EMC2: variants seen among roughly 807,000 people sequenced by gnomAD.
EMC2 encodes the protein ER membrane protein complex subunit 2, also known as TPR repeat protein 35.
In EMC2, 37 loss-of-function variants were observed where a neutral mutation model predicts 51.6. The observed-to-expected ratio is 0.72, with a 90% CI of 0.55 to 0.94. The LOEUF (loss-of-function observed/expected upper bound fraction) is 0.94. EMC2 is among the 40% of genes least tolerant of loss of function. The pLI is 0.00. For synonymous variants in EMC2, 131 were observed against 112.4 expected (o/e 1.17, Z -1.04); for missense variants, 359 against 350.9 (o/e 1.02, Z -0.18).
chr8:108,461,289 C>T (rs1464838413), intron 5 of EMC2, among the ~76,000 whole-genome samples: 1 of 152,160 alleles, frequency 6.6e-6, no homozygotes, highest in Non-Finnish European at 1.5e-5. Flanking sequence ...AGCTGTACTT[C>T]CTATTCACAT....
chr8:108,465,035 C>T (rs1365340651), intron 5 of EMC2, among the ~76,000 whole-genome samples: 1 of 152,026 alleles, frequency 6.6e-6, no homozygotes, highest in Non-Finnish European at 1.5e-5. Flanking sequence ...AGGCCTTAAT[C>T]CTTTAATCCT....
At chr8:108,444,369 G>A (rs1209116185) in intron 1 of EMC2, among the ~76,000 whole-genome samples, 13 of 152,074 alleles carry the variant, frequency 8.5e-5, no homozygotes. Context: ...TACGTGTGAT[G>A]GTCACTTTTC....
intron 4 of EMC2, among the ~76,000 whole-genome samples, chr8:108,453,548 A>ATT (rs984079027): frequency 6.9e-6 from 1 of 144,822 alleles, no homozygotes; most frequent in Non-Finnish European, 1.5e-5. Flanking sequence ...TCAGTTTATC[A>ATT]TTTTTTTTTT....
intron 5 of EMC2, among the ~76,000 whole-genome samples, chr8:108,460,293 T>C (rs1819286146): frequency 6.6e-6 from 1 of 152,232 alleles, no homozygotes; most frequent in South Asian, 2.1e-4. Context: ...TAATATGTGA[T>C]TAATTATTGC....
chr8:108,461,989 A>C (rs1396765598), intron 5 of EMC2, among the ~76,000 whole-genome samples: 2 of 151,962 alleles, frequency 1.3e-5, no homozygotes, highest in Non-Finnish European at 2.9e-5. Flanking sequence ...TTGTATTTTT[A>C]GTAGAGATGG....
intron 7 of EMC2, among the ~76,000 whole-genome samples, chr8:108,472,852 G>A (rs372961178): frequency 5.3e-5 from 8 of 151,826 alleles, no homozygotes; most frequent in African/African-American, 9.7e-5. Flanking sequence ...ATAATAGGTC[G>A]CAGGCAGCTT....
chr8:108,458,916 T>G (rs1224073801), intron 5 of EMC2, among the ~76,000 whole-genome samples: 4 of 152,222 alleles, frequency 2.6e-5, no homozygotes, highest in African/African-American at 9.6e-5. Flanking sequence ...GTTTCCCTTG[T>G]AAAACTGAAT....
intron 10 of EMC2, among the ~76,000 whole-genome samples, chr8:108,485,490 A>ACATATATATATAT: frequency 6.9e-6 from 1 of 144,942 alleles, no homozygotes; most frequent in African/African-American, 2.5e-5. Flanking sequence ...TATATATATA[A>ACATATATATATAT]AATATATACA....
rs545572972 is a variant in EMC2 at position 108,486,714 on chromosome 8, G to T, written c.*116G>T. On this transcript the variant is annotated 3_prime_UTR_variant, in exon 11 of 11. Transcript: ENST00000220853. ...ATATACTACAGTAATTTTCTGTTAA[G>T]AAGGCAGTTGTAAAGAATGTGTTTA... The T allele has an allele frequency of 4.6e-5, 49 of 1,061,316 alleles. No individual in the cohort carries two copies. In the East Asian group the frequency reaches 5.5e-4, roughly 12 times the overall value. 65.7% of individuals were successfully genotyped at this position (1,061,316 alleles called of 1,614,324 possible).
chr8:108,445,225 T>C (rs1466312183), intron 1 of EMC2, among the ~76,000 whole-genome samples: 2 of 152,204 alleles, frequency 1.3e-5, no homozygotes, highest in South Asian at 2.1e-4. Flanking sequence ...AAAGAAAACA[T>C]TTTAAAGTGC....
chr8:108,470,251 A>G, intron 7 of EMC2, 130 bp downstream of exon 7: 1 of 620,508 alleles, frequency 1.6e-6, no homozygotes, highest in Non-Finnish European at 2.8e-6. Context: ...AACAGAACAA[A>G]TCAACAATTA....
rs1810937579 is a variant in EMC2 at position 108,475,888 on chromosome 8, A to G, written c.516A>G (p.Ala172=). 1 of 1,591,152 alleles carries G rather than the reference A, an allele frequency of 6.3e-7. No homozygotes were observed. The highest frequency in any genetic ancestry group is 8.6e-7 in the Non-Finnish European group (1 of 1,165,152). ...AELYINEHDY[A]KAAFCLEELM... is the part of the protein sequence containing the mutation. ...CCTCTTGATGTGTTTTTAGCTATGC[A>G]AAAGCAGCCTTTTGTTTAGAGGAAC... The change falls in exon 8 of 11, where the codon GCA becomes GCG. Residue 172 remains alanine (A), a synonymous_variant. Coordinates refer to ENST00000220853, the MANE Select transcript of EMC2 (RefSeq NM_014673.5).
At chr8:108,472,474 A>G (rs937456898) in intron 7 of EMC2, among the ~76,000 whole-genome samples, 2 of 150,692 alleles carry the variant, frequency 1.3e-5, no homozygotes, top group Non-Finnish European at 1.5e-5. Context: ...TGGTCAGCCT[A>G]CCCTTTTATC....
chr8:108,459,078 G>A (rs1408102984), intron 5 of EMC2, among the ~76,000 whole-genome samples: 3 of 152,260 alleles, frequency 2.0e-5, no homozygotes, highest in Non-Finnish European at 4.4e-5. Flanking sequence ...AAAACATAAC[G>A]AGTCACTTTT....
intron 5 of EMC2, among the ~76,000 whole-genome samples, chr8:108,468,251 A>T (rs1439357564): frequency 6.6e-6 from 1 of 152,146 alleles, no homozygotes; most frequent in Non-Finnish European, 1.5e-5. Context: ...TAATGGCTTT[A>T]GGGTTTGAGT....
chr8:108,488,709 C>T lies in EMC2; in HGVS notation c.*2111C>T, dbSNP rs1181477960. On this transcript the variant is annotated 3_prime_UTR_variant, in exon 11 of 11. Transcript: ENST00000220853. ...CTTACCCCAACTCCAGAGGTTGCACCTTCATTGATCTGAAACAGAAGTGGT... is the reference window on the plus strand; with the variant it reads ...CTTACCCCAACTCCAGAGGTTGCACTTTCATTGATCTGAAACAGAAGTGGT... 1.3e-5 allele frequency among the ~76,000 whole-genome samples: 2 copies of T among 152,132 alleles called. No individual in the cohort carries two copies. Among genetic ancestry groups the T allele is most frequent in the African/African-American group, 4.8e-5 (2 of 41,430 alleles).
intron 3 of EMC2, among the ~76,000 whole-genome samples, chr8:108,452,566 CA>C (rs568595444): frequency 6.7e-6 from 1 of 148,154 alleles, no homozygotes; most frequent in Non-Finnish European, 1.5e-5. Flanking sequence ...GACTCCATCT[CA>C]AAAAAAAATA....
Position 108,487,868 on chromosome 8 carries a change from G to A in EMC2, c.*1270G>A, listed in dbSNP as rs1379151163. On this transcript the variant is annotated 3_prime_UTR_variant, in exon 11 of 11. Coordinates refer to ENST00000220853, the MANE Select transcript of EMC2 (RefSeq NM_014673.5). Reference sequence around the variant, plus strand: ...CGTTTTATTCTGCCACGAGTAATAGGCAGCTGATTAATATATTCTGTGAAA... The same window carrying A: ...CGTTTTATTCTGCCACGAGTAATAGACAGCTGATTAATATATTCTGTGAAA... 6.6e-6 allele frequency among the ~76,000 whole-genome samples: 1 copy of A among 152,086 alleles called. No individual in the cohort carries two copies. Among genetic ancestry groups the A allele is most frequent in the Admixed American group, 6.6e-5 (1 of 15,250 alleles).
intron 1 of EMC2, among the ~76,000 whole-genome samples, chr8:108,448,347 C>T (rs1405598480): frequency 6.6e-6 from 1 of 152,152 alleles, no homozygotes; most frequent in East Asian, 1.9e-4. Context: ...TACTATACGT[C>T]CTCTATGACT....
Sources: allele counts gnomAD v4.1 joint callset (sites outside exome capture counted in the v4.1 genomes callset), GRCh38; gene constraint gnomAD v4.1.1; transcripts MANE v1.5; gene names NCBI Gene and HGNC (gene_info 2026-07-23, HGNC 2026-07-21).